CNTN5: variants seen among roughly 807,000 people sequenced by gnomAD.
CNTN5 encodes the protein contactin 5.
A neutral mutation model predicts 129.1 loss-of-function variants in CNTN5; 77 were observed. The observed-to-expected ratio is 0.60, with a 90% confidence interval of 0.50 to 0.72. The LOEUF (loss-of-function observed/expected upper bound fraction) is 0.72, where lower values mean the gene tolerates loss of function less well. CNTN5 is among the 30% of genes least tolerant of loss of function. The pLI, the probability that CNTN5 is intolerant of heterozygous loss-of-function variation, is 0.00. For missense variants in CNTN5, 1,478 were observed against 1,328.8 expected (o/e 1.11, Z -1.75); for synonymous variants, 509 against 465.6 (o/e 1.09, Z -1.20).
chr11:99,807,090 A>G (rs1040569340), intron 3 of CNTN5, among the ~76,000 whole-genome samples: 1 of 152,092 alleles, frequency 6.6e-6, no homozygotes, highest in Non-Finnish European at 1.5e-5. Context: ...ATGGAAAAAT[A>G]TGTGTCTAAT....
intron 1 of CNTN5, among the ~76,000 whole-genome samples, chr11:99,181,443 A>G (rs533132315): frequency 8.5e-5 from 13 of 152,296 alleles, no homozygotes; most frequent in African/African-American, 2.2e-4. Flanking sequence ...TGGTATTGGC[A>G]TATCCATCCA....
intron 3 of CNTN5, among the ~76,000 whole-genome samples, chr11:99,631,717 G>GACAC (rs71949031): frequency 0.6 from 91,100 of 151,152 alleles, 28,253 homozygotes; most frequent in Admixed American, 0.69. Flanking sequence ...CACACACAAA[G>GACAC]ACACACACAT....
At chr11:99,614,110 G>T (rs2135739865) in intron 3 of CNTN5, among the ~76,000 whole-genome samples, 1 of 152,326 alleles carries the variant, frequency 6.6e-6, no homozygotes, top group Middle Eastern at 3.4e-3. Context: ...GAAAGTGGAA[G>T]AATTTAGGCT....
chr11:100,028,049 A>G (rs570647520), intron 9 of CNTN5, among the ~76,000 whole-genome samples: 31 of 152,244 alleles, frequency 2.0e-4, no homozygotes, highest in African/African-American at 7.0e-4. Context: ...TGCATATTTT[A>G]CCTGTCCTTA....
intron 1 of CNTN5, among the ~76,000 whole-genome samples, chr11:99,201,267 A>C (rs1591351016): frequency 6.8e-6 from 1 of 147,158 alleles, no homozygotes; most frequent in Non-Finnish European, 1.5e-5. Context: ...CCCGTGATCC[A>C]CCCGCCTCAG....
At chr11:100,147,947 C>T (rs1946911093) in intron 13 of CNTN5, among the ~76,000 whole-genome samples, 2 of 152,048 alleles carry the variant, frequency 1.3e-5, no homozygotes, top group South Asian at 4.1e-4. Flanking sequence ...ATGTTTGAAA[C>T]CCTAAAGCTT....
At chr11:99,340,205 G>T (rs1442750666) in intron 2 of CNTN5, among the ~76,000 whole-genome samples, 1 of 152,148 alleles carries the variant, frequency 6.6e-6, no homozygotes, top group Non-Finnish European at 1.5e-5. Context: ...TTTGGGATGG[G>T]AAGATTAAGG....
intron 9 of CNTN5, among the ~76,000 whole-genome samples, chr11:100,013,980 A>C (rs1940679279): frequency 6.6e-6 from 1 of 152,104 alleles, no homozygotes; most frequent in East Asian, 1.9e-4. Context: ...ATATAGTCAT[A>C]TTTGTATTAG....
chr11:99,866,662 T>C (rs1304588417), intron 6 of CNTN5, among the ~76,000 whole-genome samples: 1 of 152,154 alleles, frequency 6.6e-6, no homozygotes, highest in East Asian at 1.9e-4. Context: ...CTAAAATGAG[T>C]CAAGTAAAAT....
intron 1 of CNTN5, among the ~76,000 whole-genome samples, chr11:99,199,631 C>T (rs969998835): frequency 6.6e-6 from 1 of 152,086 alleles, no homozygotes; most frequent in Non-Finnish European, 1.5e-5. Context: ...CCACCTGGGG[C>T]AGAATTTCTC....
chr11:99,961,989 T>C (rs1204741128), intron 8 of CNTN5, among the ~76,000 whole-genome samples: 5 of 149,842 alleles, frequency 3.3e-5, no homozygotes, highest in Admixed American at 1.3e-4. Context: ...GATATAGTTA[T>C]ATATACATAT....
At chr11:99,846,504 T>C (rs932488191) in intron 6 of CNTN5, among the ~76,000 whole-genome samples, 1 of 152,030 alleles carries the variant, frequency 6.6e-6, no homozygotes, top group Non-Finnish European at 1.5e-5. Flanking sequence ...TATTATTCCT[T>C]AATAAGTAAT....
At chr11:100,149,866 C>T (rs1410028576) in intron 13 of CNTN5, among the ~76,000 whole-genome samples, 1 of 147,336 alleles carries the variant, frequency 6.8e-6, no homozygotes, top group Non-Finnish European at 1.5e-5. Context: ...TGCATTCCAG[C>T]CTGGGCGACA....
chr11:99,794,126 A>G (rs1119082), intron 3 of CNTN5, among the ~76,000 whole-genome samples: 89,650 of 151,164 alleles, frequency 0.59, 27,043 homozygotes, highest in East Asian at 0.73. Flanking sequence ...TTTAGGATAG[A>G]TAGGTCTTTT....
intron 18 of CNTN5, among the ~76,000 whole-genome samples, chr11:100,289,083 C>A (rs1362752203): frequency 1.3e-5 from 2 of 152,114 alleles, no homozygotes; most frequent in Non-Finnish European, 2.9e-5. Flanking sequence ...TCTGAACAGA[C>A]CAATAACAGG....
intron 13 of CNTN5, among the ~76,000 whole-genome samples, chr11:100,140,928 GA>G (rs1946680575): frequency 6.6e-6 from 1 of 152,170 alleles, no homozygotes; most frequent in African/African-American, 2.4e-5. Flanking sequence ...TGAGAAGCAA[GA>G]AAGTCCCCCA....
chr11:99,987,565 A>C (rs866132279), intron 8 of CNTN5, among the ~76,000 whole-genome samples: 25 of 151,342 alleles, frequency 1.7e-4, no homozygotes, highest in African/African-American at 6.0e-4. Flanking sequence ...ACACACATAC[A>C]TATATGCACA....
chr11:99,463,049 A>T (rs1220911481), intron 2 of CNTN5, among the ~76,000 whole-genome samples: 1 of 151,712 alleles, frequency 6.6e-6, no homozygotes, highest in African/African-American at 2.4e-5. Context: ...CGGAGGTTGC[A>T]GTGAGCAGAT....
At chr11:100,245,561 TAGGGAGTCAACCA>T (rs1351462846) in intron 16 of CNTN5, among the ~76,000 whole-genome samples, 1 of 151,954 alleles carries the variant, frequency 6.6e-6, no homozygotes, top group Non-Finnish European at 1.5e-5. Context: ...GAGTGAATAT[TAGGGAGTCAACCA>T]CAAAGTCTAC....
Sources: allele counts gnomAD v4.1 joint callset (sites outside exome capture counted in the v4.1 genomes callset), GRCh38; gene constraint gnomAD v4.1.1; transcripts MANE v1.5; gene names NCBI Gene and HGNC (gene_info 2026-07-23, HGNC 2026-07-21).